Variants in NIBAN1 observed in about 807,000 individuals in gnomAD.
NIBAN1 encodes the protein protein Niban 1.
In NIBAN1, 81 loss-of-function variants were observed where a neutral mutation model predicts 75.1. The observed-to-expected ratio is 1.08, with a 90% confidence interval of 0.90 to 1.30. The LOEUF (loss-of-function observed/expected upper bound fraction) is 1.30, where lower values mean the gene tolerates loss of function less well. Among genes scored for constraint, NIBAN1 ranks in the 50% most tolerant of loss-of-function variants. The pLI, the probability that NIBAN1 is intolerant of heterozygous loss-of-function variation, is 0.00. For missense variants in NIBAN1, 1,133 were observed against 1,128.1 expected, an observed-to-expected ratio of 1.00 and a Z score of -0.06; for synonymous variants, 436 against 424.8, an observed-to-expected ratio of 1.03 and a Z score of -0.32.
chr1:184,815,913 C>T lies in NIBAN1; in HGVS notation c.1173+2725G>A, dbSNP rs114297573. 4.6e-3 allele frequency among the ~76,000 whole-genome samples: 701 copies of T among 152,300 alleles called. 8 individuals carry two copies. Among genetic ancestry groups the T allele is most frequent in the African/African-American group, 0.016 (666 of 41,566 alleles). ...AGAAATGTCTCCCTCATAATAGGCCCTACAGTAAATTCTACTTTAAAGGCT... is the reference window on the plus strand; with the variant it reads ...AGAAATGTCTCCCTCATAATAGGCCTTACAGTAAATTCTACTTTAAAGGCT... On this transcript the variant is annotated intron_variant, in intron 9 of 13. Coordinates refer to ENST00000367511, the MANE Select transcript of NIBAN1 (RefSeq NM_052966.4).
At position 184,831,917 on chromosome 1, in the gene NIBAN1, G is replaced by A; in HGVS notation, c.647C>T (p.Ala216Val). The A allele has an allele frequency of 1.2e-6, 2 of 1,614,096 alleles. No homozygotes were observed. The highest frequency in any genetic ancestry group is 1.7e-6 in the Non-Finnish European group (2 of 1,179,984). Residue 216 changes from alanine (A) to valine (V), a missense_variant, in exon 6 of 14, where the codon GCT becomes GTT. By Grantham distance (64) the Ala-to-Val change is moderately conservative. Transcript: ENST00000367511. ...MTFEAQAFLE[A>V]VQFFRQEKGH... The stretch of plus-strand genomic sequence containing the variant: ...CTTCTCCTGTCGGAAGAATTGCACA[G>A]CTTCTAAAAAGGCTTGGGCTTCAAA...
At chr1:184,921,158 G>A (rs377423979) in intron 1 of NIBAN1, among the ~76,000 whole-genome samples, 56 of 151,532 alleles carry the variant, frequency 3.7e-4, no homozygotes, top group African/African-American at 1.1e-3. Context: ...TTAGCCGGGC[G>A]TGGTGGCACA....
rs546247270 is a variant in NIBAN1 at position 184,901,373 on chromosome 1, G to C, written c.56-2064C>G. On this transcript the variant is annotated intron_variant, in intron 1 of 13. Transcript: ENST00000367511. Reference sequence around the variant, plus strand: ...GCATTTATGGTATTACTATTAATCAGTATTTGCATAATACTTTAATATACT... The same window carrying C: ...GCATTTATGGTATTACTATTAATCACTATTTGCATAATACTTTAATATACT... Among the ~76,000 whole-genome samples the C allele has an allele frequency of 3.9e-5, 6 of 152,280 alleles. No individual in the cohort carries two copies. The East Asian group carries it at 1.2e-3, about 29-fold the overall frequency.
rs765544622 is a variant in NIBAN1 at position 184,803,642 on chromosome 1, T to G, written c.1497A>C (p.Ala499=). ...CAGTGGGAAGTGTGATTTGAACTAG[T>G]GCCTCTTGAAATATCTTCTTTCGGA... ...STIRKKIFQE[A]LVQITLPTVQ... is the part of the protein sequence containing the mutation. Residue 499 remains alanine, a synonymous_variant, in exon 12 of 14, where the codon GCA becomes GCC. Coordinates refer to ENST00000367511, the MANE Select transcript of NIBAN1 (RefSeq NM_052966.4). The G allele has an allele frequency of 6.2e-7, 1 of 1,614,228 alleles. No homozygotes were observed.
At chr1:184,936,557 A>G (rs1176610377) in intron 1 of NIBAN1, among the ~76,000 whole-genome samples, 1 of 152,240 alleles carries the variant, frequency 6.6e-6, no homozygotes, top group East Asian at 1.9e-4. Context: ...TCAAGGAGTT[A>G]GCAGGCCCAC....
rs1447140096 is a variant in NIBAN1 at position 184,793,052 on chromosome 1, T to C, written c.*1925A>G. On this transcript the variant is annotated 3_prime_UTR_variant, in exon 14 of 14. Transcript: ENST00000367511. ...AGGATTTAAACACGCCAAGAAAAGT[T>C]GCAACAATTAAATATGATATTATAC... The C allele has an allele frequency of 6.6e-6, 1 of 152,188 alleles. No individual in the cohort carries two copies. Among genetic ancestry groups the C allele is most frequent in the African/African-American group, 2.4e-5 (1 of 41,448 alleles). The allele number at this position is 152,188 out of a possible 1,614,324, so 9.4% of individuals were successfully genotyped here.
chr1:184,834,272 G>C (rs1655080338), intron 5 of NIBAN1, among the ~76,000 whole-genome samples: 1 of 152,100 alleles, frequency 6.6e-6, no homozygotes, highest in Non-Finnish European at 1.5e-5. Context: ...TGGACATTTG[G>C]GTGGGTTCCA....
At chr1:184,860,980 G>T (rs978803135) in intron 5 of NIBAN1, among the ~76,000 whole-genome samples, 3 of 152,316 alleles carry the variant, frequency 2.0e-5, no homozygotes, top group Admixed American at 2.0e-4. Context: ...TACCTGAAAA[G>T]GCATGGATCA....
chr1:184,844,308 AT>A (rs1390060697), intron 5 of NIBAN1, among the ~76,000 whole-genome samples: 1 of 152,244 alleles, frequency 6.6e-6, no homozygotes, highest in African/African-American at 2.4e-5. Flanking sequence ...AATCACTGGC[AT>A]TAATTGGCAT....
intron 5 of NIBAN1, among the ~76,000 whole-genome samples, chr1:184,869,701 C>T (rs1182374969): frequency 1.3e-5 from 2 of 152,046 alleles, no homozygotes; most frequent in African/African-American, 4.8e-5. Context: ...GCCACCATGC[C>T]CGGCTAATTT....
At chr1:184,917,261 G>A (rs1657410353) in intron 1 of NIBAN1, among the ~76,000 whole-genome samples, 1 of 149,530 alleles carries the variant, frequency 6.7e-6, no homozygotes, top group Non-Finnish European at 1.5e-5. Flanking sequence ...CTGGAGTGCA[G>A]TGGCGCGATC....
intron 1 of NIBAN1, among the ~76,000 whole-genome samples, chr1:184,942,489 C>A (rs185879157): frequency 1.3e-5 from 2 of 152,106 alleles, no homozygotes; most frequent in Non-Finnish European, 2.9e-5. Context: ...GTCAGGAGAT[C>A]GAGACCATCC....
chr1:184,818,761 G>T lies in NIBAN1; in HGVS notation c.1050C>A (p.Ile350=), dbSNP rs1654609077. ...LESVQPFLAS[I]LEELMGPVSS... is the part of the protein sequence containing the mutation. ...TCACTGGTCCCATGAGCTCCTCCAG[G>T]ATGGATGCCAGGAATGGCTGCACAC... Residue 350 remains isoleucine, a synonymous_variant, in exon 9 of 14, where the codon ATC becomes ATA. Transcript: ENST00000367511. The T allele has an allele frequency of 6.2e-7, 1 of 1,612,672 alleles. No homozygotes were observed. The highest frequency in any genetic ancestry group is 1.3e-5 in the African/African-American group (1 of 74,946).
chr1:184,953,316 C>A (rs1658404581), intron 1 of NIBAN1, among the ~76,000 whole-genome samples: 1 of 152,138 alleles, frequency 6.6e-6, no homozygotes, highest in African/African-American at 2.4e-5. Flanking sequence ...ACAGCCAATG[C>A]CCTACTGAAT....
At chr1:184,933,614 T>A (rs1657881384) in intron 1 of NIBAN1, among the ~76,000 whole-genome samples, 1 of 152,230 alleles carries the variant, frequency 6.6e-6, no homozygotes, top group Non-Finnish European at 1.5e-5. Context: ...TAAGTTCACA[T>A]CCATGGCAAA....
intron 1 of NIBAN1, among the ~76,000 whole-genome samples, chr1:184,906,932 G>A (rs1462880738): frequency 6.6e-6 from 1 of 152,130 alleles, no homozygotes; most frequent in Non-Finnish European, 1.5e-5. Context: ...TTTATCAGCA[G>A]TCTTTCTTGG....
chr1:184,933,500 G>T (rs867461770), intron 1 of NIBAN1, among the ~76,000 whole-genome samples: 1 of 152,160 alleles, frequency 6.6e-6, no homozygotes, highest in Non-Finnish European at 1.5e-5. Flanking sequence ...CAGGGATAGT[G>T]CTGGGCACTT....
chr1:184,813,474 T>C (rs1654439744), intron 9 of NIBAN1, among the ~76,000 whole-genome samples: 1 of 152,224 alleles, frequency 6.6e-6, no homozygotes, highest in Non-Finnish European at 1.5e-5. Context: ...TCAATTTATT[T>C]TGGAGACATT....
At chr1:184,966,743 C>T (rs902088670) in intron 1 of NIBAN1, among the ~76,000 whole-genome samples, 2 of 151,712 alleles carry the variant, frequency 1.3e-5, no homozygotes, top group Admixed American at 1.3e-4. Context: ...CTGTCTGGGC[C>T]TATGTTTTCT....
Sources: allele counts gnomAD v4.1 joint callset (sites outside exome capture counted in the v4.1 genomes callset), GRCh38; gene constraint gnomAD v4.1.1; transcripts MANE v1.5; gene names NCBI Gene and HGNC (gene_info 2026-07-23, HGNC 2026-07-21).